The following OXR1 variants were observed in gnomAD, a reference collection of about 807,000 sequenced individuals.
The protein encoded by OXR1 is oxidation resistance 1.
A neutral mutation model predicts 104.6 loss-of-function variants in OXR1; 41 were observed. The ratio of observed to expected loss-of-function variants is 0.39; its 90% CI spans 0.31 to 0.51. The LOEUF (loss-of-function observed/expected upper bound fraction) is 0.51. Among genes scored for constraint, OXR1 ranks in the 20% least tolerant of loss-of-function variants. OXR1 has a pLI of 0.77. For synonymous variants in OXR1, 348 were observed against 348.4 expected (o/e 1.00, Z 0.01); for missense variants, 955 against 1,031.9 (o/e 0.93, Z 1.02).
chr8:106,625,864 G>A (rs1822105939), intron 3 of OXR1, among the ~76,000 whole-genome samples: 1 of 151,858 alleles, frequency 6.6e-6, no homozygotes, highest in South Asian at 2.1e-4. Context: ...TTACTTTATT[G>A]TAAACGTATA....
chr8:106,663,388 G>A (rs939111383), intron 3 of OXR1, among the ~76,000 whole-genome samples: 1 of 152,192 alleles, frequency 6.6e-6, no homozygotes, highest in South Asian at 2.1e-4. Context: ...AGTTAAGATT[G>A]TAAAGGATAG....
intron 2 of OXR1, among the ~76,000 whole-genome samples, chr8:106,450,975 T>C (rs552249297): frequency 6.6e-6 from 1 of 152,138 alleles, no homozygotes; most frequent in Non-Finnish European, 1.5e-5. Context: ...TCAGTGAAGT[T>C]CTCACTGCAA....
chr8:106,374,690 A>G (rs1468473777), intron 2 of OXR1, among the ~76,000 whole-genome samples: 2 of 152,186 alleles, frequency 1.3e-5, no homozygotes, highest in Non-Finnish European at 2.9e-5. Context: ...TAGCAACTTC[A>G]GTGCTAAGTA....
At chr8:106,410,270 A>C (rs1328527167) in intron 2 of OXR1, among the ~76,000 whole-genome samples, 1 of 152,174 alleles carries the variant, frequency 6.6e-6, no homozygotes, top group African/African-American at 2.4e-5. Flanking sequence ...GCCAGTAAAG[A>C]GATTCTTTTG....
chr8:106,685,338 A>C (rs2131250964), intron 6 of OXR1, among the ~76,000 whole-genome samples: 1 of 152,204 alleles, frequency 6.6e-6, no homozygotes, highest in African/African-American at 2.4e-5. Flanking sequence ...TGTGTTTCAA[A>C]CCCTAAAGCA....
At chr8:106,301,771 A>G (rs1813244553) in intron 1 of OXR1, among the ~76,000 whole-genome samples, 1 of 152,242 alleles carries the variant, frequency 6.6e-6, no homozygotes, top group Non-Finnish European at 1.5e-5. Flanking sequence ...TTCAAGATTT[A>G]TAGAGATATT....
At chr8:106,515,115 C>G (rs568390185) in intron 2 of OXR1, among the ~76,000 whole-genome samples, 1 of 152,166 alleles carries the variant, frequency 6.6e-6, no homozygotes, top group Admixed American at 6.6e-5. Flanking sequence ...TAAGTGTGCT[C>G]TCCTGGAAAG....
At chr8:106,554,876 TTGA>T (rs1300470457) in intron 3 of OXR1, among the ~76,000 whole-genome samples, 1 of 152,172 alleles carries the variant, frequency 6.6e-6, no homozygotes, top group Non-Finnish European at 1.5e-5. Flanking sequence ...GACCAAGGAA[TTGA>T]TATTTTTATT....
chr8:106,487,456 G>A (rs1014694642), intron 2 of OXR1, among the ~76,000 whole-genome samples: 1 of 149,608 alleles, frequency 6.7e-6, no homozygotes, highest in African/African-American at 2.5e-5. Context: ...AAATTTTAGG[G>A]TACATGTGCA....
At chr8:106,385,745 T>A (rs1817345984) in intron 2 of OXR1, among the ~76,000 whole-genome samples, 1 of 152,156 alleles carries the variant, frequency 6.6e-6, no homozygotes, top group African/African-American at 2.4e-5. Context: ...CCTTTTGTTA[T>A]CCAATTTGTT....
At position 106,618,208 on chromosome 8, in the gene OXR1, G is replaced by A. The variant is rs149295088; in HGVS notation, c.221-61002G>A. 1.9e-4 allele frequency: 285 copies of A among 1,521,062 alleles called. 1 individual carries two copies. The East Asian group carries it at 6.5e-3, about 35-fold the overall frequency. The allele number at this position is 1,521,062 out of a possible 1,614,324, so 94.2% of individuals were successfully genotyped here. On this transcript the variant is annotated intron_variant, in intron 3 of 16. Coordinates refer to ENST00000517566, the MANE Select transcript of OXR1 (RefSeq NM_001198533.2). The stretch of plus-strand genomic sequence containing the variant: ...GGTATGTGTAAGTGCTCTCTTAGTG[G>A]CTTTAAATAAGTTATTTTGGAAAGT...
At chr8:106,466,955 T>G (rs1821205339) in intron 2 of OXR1, among the ~76,000 whole-genome samples, 1 of 151,962 alleles carries the variant, frequency 6.6e-6, no homozygotes, top group African/African-American at 2.4e-5. Flanking sequence ...ACATACCTGA[T>G]ATAGTACTTG....
chr8:106,637,131 A>G lies in OXR1; in HGVS notation c.221-42079A>G, dbSNP rs139001794. On this transcript the variant is annotated intron_variant, in intron 3 of 16. Coordinates refer to ENST00000517566, the MANE Select transcript of OXR1 (RefSeq NM_001198533.2). ...AGCTTGTTTGTTTTGCTATGGTACA[A>G]TATTATCATCCTTGGCTAGAGAATT... Among the ~76,000 whole-genome samples the G allele has an allele frequency of 5.1e-3, 782 of 152,294 alleles. 11 individuals carry two copies. The highest frequency in any genetic ancestry group is 0.018 in the African/African-American group (733 of 41,556).
chr8:106,436,967 A>AG (rs1357247340), intron 2 of OXR1, among the ~76,000 whole-genome samples: 22 of 152,168 alleles, frequency 1.4e-4, no homozygotes, highest in Admixed American at 2.6e-4. Flanking sequence ...CCAAAAAGAA[A>AG]GGGGGGTGAC....
At chr8:106,627,511 A>C (rs1404758239) in intron 3 of OXR1, among the ~76,000 whole-genome samples, 1 of 152,124 alleles carries the variant, frequency 6.6e-6, no homozygotes, top group Admixed American at 6.6e-5. Context: ...CATCAATTCT[A>C]TTATGTCTGA....
At chr8:106,446,003 A>C (rs1362214411) in intron 2 of OXR1, among the ~76,000 whole-genome samples, 1 of 152,234 alleles carries the variant, frequency 6.6e-6, no homozygotes, top group African/African-American at 2.4e-5. Flanking sequence ...TGCAGAGGGA[A>C]GCAAGAAGAA....
chr8:106,468,430 A>G (rs1211126756), intron 2 of OXR1, among the ~76,000 whole-genome samples: 5 of 151,868 alleles, frequency 3.3e-5, no homozygotes, highest in Non-Finnish European at 7.4e-5. Flanking sequence ...ACAAAAAACA[A>G]CAACACTTCA....
intron 3 of OXR1, chr8:106,520,697 A>T (rs1813191186): frequency 6.6e-6 from 1 of 152,184 alleles, no homozygotes; most frequent in Admixed American, 6.5e-5. Flanking sequence ...TTGACTAGAA[A>T]ATCTCACAAA....
At chr8:106,358,847 T>TG (rs201279255) in intron 1 of OXR1, among the ~76,000 whole-genome samples, 1 of 149,706 alleles carries the variant, frequency 6.7e-6, no homozygotes, top group African/African-American at 2.5e-5. Flanking sequence ...AATAATTTAG[T>TG]GAATAATTTA....
Sources: gnomAD v4.1 joint callset for allele counts (sites outside exome capture counted in the v4.1 genomes callset) on GRCh38, gnomAD v4.1.1 for gene constraint, MANE v1.5 for transcripts, NCBI Gene and HGNC (gene_info 2026-07-23, HGNC 2026-07-21) for gene names.